EVA1C: variants seen among roughly 807,000 people sequenced by gnomAD.
The protein encoded by EVA1C is protein eva-1 homolog C.
EVA1C carries 25 observed loss-of-function variants against 45.4 expected under a neutral mutation model. The observed-to-expected ratio is 0.55, with a 90% CI of 0.40 to 0.77. The LOEUF is 0.77. Among genes scored for constraint, EVA1C ranks in the 30% least tolerant of loss-of-function variants. The pLI is 0.00. For missense variants in EVA1C, 479 were observed against 554.8 expected (o/e 0.86, Z 1.37); for synonymous variants, 190 against 221.2 (o/e 0.86, Z 1.25).
chr21:32,417,716 G>T (rs547907750), intron 1 of EVA1C, among the ~76,000 whole-genome samples: 8 of 152,272 alleles, frequency 5.3e-5, no homozygotes, highest in Admixed American at 3.3e-4. Flanking sequence ...AGTATTGATG[G>T]ACACAGTTGT....
At chr21:32,456,501 G>A (rs781754083) in intron 2 of EVA1C, among the ~76,000 whole-genome samples, 9 of 152,138 alleles carry the variant, frequency 5.9e-5, no homozygotes, top group Admixed American at 1.3e-4. Context: ...GGTCTGAGGG[G>A]TTTCTTGGGT....
chr21:32,475,624 T>C (rs2036527547), intron 4 of EVA1C, among the ~76,000 whole-genome samples: 1 of 152,162 alleles, frequency 6.6e-6, no homozygotes, highest in East Asian at 1.9e-4. Context: ...ATCCTAACAA[T>C]GCCGAGCACT....
intron 3 of EVA1C, among the ~76,000 whole-genome samples, chr21:32,459,153 C>G (rs367951229): frequency 1.3e-5 from 2 of 152,282 alleles, no homozygotes; most frequent in East Asian, 3.9e-4. Context: ...CAGGCACACA[C>G]TAACACAACC....
At chr21:32,495,924 T>G (rs1028699643) in intron 5 of EVA1C, among the ~76,000 whole-genome samples, 15 of 152,248 alleles carry the variant, frequency 9.9e-5, no homozygotes, top group African/African-American at 3.4e-4. Context: ...ACCTATTCTC[T>G]TGGAAATCGC....
intron 4 of EVA1C, among the ~76,000 whole-genome samples, chr21:32,468,714 G>A (rs1464852173): frequency 6.6e-6 from 1 of 152,086 alleles, no homozygotes; most frequent in South Asian, 2.1e-4. Flanking sequence ...TTTTCTGCCT[G>A]CTTTACATTT....
intron 1 of EVA1C, among the ~76,000 whole-genome samples, chr21:32,435,169 T>TGATA (rs2034892318): frequency 6.6e-6 from 1 of 151,942 alleles, no homozygotes; most frequent in South Asian, 2.1e-4. Context: ...ATCTCCTTTA[T>TGATA]GAGGCCTTCT....
intron 4 of EVA1C, among the ~76,000 whole-genome samples, chr21:32,487,424 G>C (rs1020814911): frequency 6.6e-6 from 1 of 152,136 alleles, no homozygotes; most frequent in South Asian, 2.1e-4. Flanking sequence ...CCATGGAGAT[G>C]CTCAGTGGGT....
chr21:32,494,472 C>G (rs899831949), intron 4 of EVA1C, among the ~76,000 whole-genome samples: 11 of 152,276 alleles, frequency 7.2e-5, no homozygotes, highest in Non-Finnish European at 1.0e-4. Flanking sequence ...AAATGCAAAG[C>G]CCCTTGTTCA....
At chr21:32,477,856 GCCCTC>G (rs1169156687) in intron 4 of EVA1C, among the ~76,000 whole-genome samples, 1 of 16,020 alleles carries the variant, frequency 6.2e-5, no homozygotes, top group Non-Finnish European at 1.1e-4. Context: ...TCCCCCGTAC[GCCCTC>G]CCCTCCCCTC....
intron 6 of EVA1C, 113 bp from the exon 7 acceptor site, chr21:32,503,813 C>T (rs1267485724): frequency 1.8e-5 from 12 of 665,632 alleles, no homozygotes; most frequent in Non-Finnish European, 3.1e-5. Flanking sequence ...TGTTTGATTT[C>T]TGTGACTTTT....
At chr21:32,495,331 T>C (rs2037315306) in intron 5 of EVA1C, among the ~76,000 whole-genome samples, 161 bp downstream of exon 5, 1 of 152,166 alleles carries the variant, frequency 6.6e-6, no homozygotes, top group Non-Finnish European at 1.5e-5. Context: ...TTTTCTTTCT[T>C]ATTCTTGTTT....
chr21:32,483,762 G>C (rs1300660467), intron 4 of EVA1C, among the ~76,000 whole-genome samples: 1 of 152,122 alleles, frequency 6.6e-6, no homozygotes, highest in Non-Finnish European at 1.5e-5. Flanking sequence ...CATTCATTAA[G>C]CACTTAATTG....
At chr21:32,429,851 ATAT>A (rs1037593272) in intron 1 of EVA1C, among the ~76,000 whole-genome samples, 2 of 152,216 alleles carry the variant, frequency 1.3e-5, no homozygotes, top group Non-Finnish European at 2.9e-5. Context: ...TATATTCAAA[ATAT>A]TATTATTTCA....
chr21:32,460,278 G>A (rs1301207853), intron 3 of EVA1C, among the ~76,000 whole-genome samples: 1 of 152,084 alleles, frequency 6.6e-6, no homozygotes, highest in African/African-American at 2.4e-5. Flanking sequence ...CCTTCTCCTT[G>A]TGTAATTTCC....
chr21:32,464,989 TG>T (rs2036124712), intron 3 of EVA1C, among the ~76,000 whole-genome samples: 1 of 152,188 alleles, frequency 6.6e-6, no homozygotes, highest in Non-Finnish European at 1.5e-5. Context: ...GTTTTCAAAT[TG>T]TGATTGCAGC....
chr21:32,464,659 T>G (rs951403533), intron 3 of EVA1C, among the ~76,000 whole-genome samples: 1 of 151,990 alleles, frequency 6.6e-6, no homozygotes, highest in Non-Finnish European at 1.5e-5. Flanking sequence ...CTGTCTCTAC[T>G]AAAAATACAA....
At chr21:32,497,194 A>G in intron 5 of EVA1C, 1 of 799,372 alleles carries the variant, frequency 1.3e-6, no homozygotes, top group East Asian at 2.4e-5. Flanking sequence ...TGAATGGAAG[A>G]GTATGGGTTA....
At chr21:32,514,784 A>G in intron 7 of EVA1C, 30 bp from the exon 8 acceptor site, 2 of 1,508,374 alleles carry the variant, frequency 1.3e-6, no homozygotes, top group South Asian at 2.7e-5. Flanking sequence ...AGCTCCTCCC[A>G]GCTCCTGACA....
intron 1 of EVA1C, among the ~76,000 whole-genome samples, chr21:32,440,407 C>T (rs997307350): frequency 6.6e-6 from 1 of 152,114 alleles, no homozygotes; most frequent in African/African-American, 2.4e-5. Context: ...AGATGGTGTT[C>T]GCTGCATAAC....
Sources: gnomAD v4.1 joint callset for allele counts (sites outside exome capture counted in the v4.1 genomes callset) on GRCh38, gnomAD v4.1.1 for gene constraint, MANE v1.5 for transcripts, NCBI Gene and HGNC (gene_info 2026-07-23, HGNC 2026-07-21) for gene names.